Variants in PGAP1 observed in about 807,000 individuals in gnomAD.
PGAP1 encodes GPI inositol-deacylase.
In PGAP1, 76 loss-of-function variants were observed where a neutral mutation model predicts 127.0. The observed-to-expected ratio is 0.60, with a 90% CI of 0.50 to 0.72. The LOEUF (loss-of-function observed/expected upper bound fraction) is 0.72, where lower values mean the gene tolerates loss of function less well. PGAP1 is among the 30% of genes least tolerant of loss of function. The probability of loss-of-function intolerance (pLI) is 0.00; values close to 1 mark genes in which losing one functional copy is unlikely to be tolerated. For synonymous variants in PGAP1, 362 were observed against 366.5 expected (o/e 0.99, Z 0.14); for missense variants, 982 against 1,071.3 (o/e 0.92, Z 1.16).
At position 196,926,506 on chromosome 2, in the gene PGAP1, G is replaced by C; in HGVS notation, c.111C>G (p.Cys37Trp). The change falls in exon 1 of 27, where the codon TGC becomes TGG. Residue 37 changes from cysteine (C) to tryptophan (W), a missense_variant. Cys to Trp is a radical substitution (Grantham distance 215). Transcript: ENST00000354764. ...GGTACTCAAACATGTAGCTCATACT[G>C]CACTTATTCTCCTCGAAGCCGAAGA... ...DVFFGFEENKCSMSYMFEYPE... is the reference protein window; with the variant it reads ...DVFFGFEENKWSMSYMFEYPE... 1 of 1,614,098 alleles carries C rather than the reference G, an allele frequency of 6.2e-7. No individual in the cohort carries two copies. The highest frequency in any genetic ancestry group is 8.5e-7 in the Non-Finnish European group (1 of 1,179,982).
intron 20 of PGAP1, among the ~76,000 whole-genome samples, chr2:196,848,600 T>C (rs1021848273): frequency 2.6e-5 from 4 of 152,220 alleles, no homozygotes; most frequent in African/African-American, 9.6e-5. Flanking sequence ...TTTTCAAGAT[T>C]CATCCATGTT....
At chr2:196,900,882 G>A (rs570186396) in intron 5 of PGAP1, among the ~76,000 whole-genome samples, 21 of 152,042 alleles carry the variant, frequency 1.4e-4, no homozygotes, top group African/African-American at 2.9e-4. Flanking sequence ...AGCGGAGATC[G>A]CGCCACTGCA....
chr2:196,844,500 T>A, intron 24 of PGAP1, 24 bp downstream of exon 24: 1 of 1,545,212 alleles, frequency 6.5e-7, no homozygotes, highest in East Asian at 2.3e-5. Context: ...TAAATTTATG[T>A]AGAGTTTTGA....
At chr2:196,889,872 A>AAAAAAAG in intron 10 of PGAP1, among the ~76,000 whole-genome samples, 1 of 151,752 alleles carries the variant, frequency 6.6e-6, no homozygotes, top group Non-Finnish European at 1.5e-5. Context: ...AAAAAAAAAA[A>AAAAAAAG]AAAAAAGAAA....
In PGAP1 at chr2:196,847,961, A is replaced by G. The variant is rs1263704216; in HGVS notation, c.1938T>C (p.Ile646=). 1 of 1,587,456 alleles carries G rather than the reference A, an allele frequency of 6.3e-7. No individual in the cohort carries two copies. Residue 646 remains isoleucine, a synonymous_variant, in exon 21 of 27, where the codon ATT becomes ATC. Transcript: ENST00000354764. Reference sequence around the variant, plus strand: ...ATAAAACTTACCCCAACAGAAACTTAATGATAATTACAAAAGGATCAACTT... The same window carrying G: ...ATAAAACTTACCCCAACAGAAACTTGATGATAATTACAAAAGGATCAACTT... ...PYKVDPFVII[I]KFLLGYKWFK... is the part of the protein sequence containing the mutation.
chr2:196,900,745 G>A (rs1248696504), intron 5 of PGAP1, among the ~76,000 whole-genome samples: 1 of 152,088 alleles, frequency 6.6e-6, no homozygotes, highest in Non-Finnish European at 1.5e-5. Context: ...CTAACATGGT[G>A]AAACCCCATC....
chr2:196,855,288 T>C (rs1185683424), intron 20 of PGAP1, among the ~76,000 whole-genome samples: 1 of 138,072 alleles, frequency 7.2e-6, no homozygotes, highest in Non-Finnish European at 1.5e-5. Flanking sequence ...ATCGAGCCAC[T>C]GCACTCTAGC....
In PGAP1 at chr2:196,841,368, A is replaced by C; in HGVS notation, c.2635T>G (p.Leu879Val). 6.2e-7 allele frequency: 1 copy of C among 1,612,304 alleles called. No homozygotes were observed. The highest frequency in any genetic ancestry group is 8.5e-7 in the Non-Finnish European group (1 of 1,178,946). ...GGAAATTGTGAAGTAGTCTTCAACA[A>C]TTTACTGTAAAGAGACAGAGAAATA... is the stretch of plus-strand genomic sequence containing the variant. ...TYTVSIKSSK[L>V]LKTTSQFPLP... The change falls in exon 27 of 27, where the codon TTG (leucine) becomes GTG (valine). Residue 879 changes from leucine (L) to valine (V), a missense_variant. Leu to Val is a conservative substitution (Grantham distance 32, BLOSUM62 1). Coordinates refer to ENST00000354764, the MANE Select transcript of PGAP1 (RefSeq NM_024989.4).
chr2:196,878,059 G>T (rs1701618541), intron 13 of PGAP1, among the ~76,000 whole-genome samples: 1 of 152,066 alleles, frequency 6.6e-6, no homozygotes, highest in African/African-American at 2.4e-5. Flanking sequence ...AATAGGAAAA[G>T]GGGAGTCCGA....
At chr2:196,881,524 G>A (rs1701731257) in intron 12 of PGAP1, among the ~76,000 whole-genome samples, 1 of 152,150 alleles carries the variant, frequency 6.6e-6, no homozygotes, top group South Asian at 2.1e-4. Flanking sequence ...AACCTCGCCA[G>A]CATCTGTTAT....
intron 20 of PGAP1, among the ~76,000 whole-genome samples, chr2:196,861,534 C>T (rs1701064683): frequency 6.6e-6 from 1 of 152,150 alleles, no homozygotes; most frequent in African/African-American, 2.4e-5. Flanking sequence ...CATTTCTCAA[C>T]AGAAGAAATA....
chr2:196,897,223 A>T, intron 6 of PGAP1, 26 bp from the exon 7 acceptor site: 1 of 1,418,212 alleles, frequency 7.1e-7, no homozygotes, highest in Non-Finnish European at 9.7e-7. Context: ...AGTGTTACAA[A>T]TAAAACTTTC....
chr2:196,869,218 C>T (rs1701335601), intron 19 of PGAP1, among the ~76,000 whole-genome samples: 1 of 152,118 alleles, frequency 6.6e-6, no homozygotes, highest in Non-Finnish European at 1.5e-5. Flanking sequence ...TTATGAGACA[C>T]AGGAATTATA....
At position 196,872,739 on chromosome 2, in the gene PGAP1, C is replaced by G. The variant is rs149728750; in HGVS notation, c.1620-190G>C. ...TGCTCCCTCTAGGACACAGGAGTTG[C>G]GAGAGGGTGGAAGGGGGTTCAGGTT... On this transcript the variant is annotated intron_variant, in intron 17 of 26. Coordinates refer to ENST00000354764, the MANE Select transcript of PGAP1 (RefSeq NM_024989.4). The G allele has an allele frequency of 7.8e-4, 450 of 575,914 alleles. 2 individuals are homozygous for G. The highest frequency in any genetic ancestry group is 7.4e-3 in the African/African-American group (392 of 52,776). The allele number at this position is 575,914 out of a possible 1,614,324, so 35.7% of individuals were successfully genotyped here.
chr2:196,892,112 G>A (rs1425082832), intron 9 of PGAP1, among the ~76,000 whole-genome samples: 4 of 151,892 alleles, frequency 2.6e-5, no homozygotes, highest in Non-Finnish European at 4.4e-5. Flanking sequence ...CAATAACAAC[G>A]TATAGGCCTT....
Position 196,875,767 on chromosome 2 carries a change from C to A in PGAP1, c.1405G>T (p.Val469Leu), listed in dbSNP as rs762651455. 2 of 1,541,630 alleles carry A rather than the reference C, an allele frequency of 1.3e-6. No individual in the cohort carries two copies. Among genetic ancestry groups the A allele is most frequent in the Non-Finnish European group, 1.8e-6 (2 of 1,118,574 alleles). The change falls in exon 14 of 27, where the codon GTA (valine) becomes TTA (leucine). Residue 469 changes from valine to leucine, a missense_variant. Transcript: ENST00000354764. ...KKEKRYIQLP[V>L]THLFSFGLSS... ...TTACCAAAGGAAAAAAGATGAGTTA[C>A]AGGAAGCTGTATGTATCTTTTCTCT...
At position 196,918,243 on chromosome 2, in the gene PGAP1, G is replaced by C. The variant is rs114784978; in HGVS notation, c.302-1650C>G. Among the ~76,000 whole-genome samples the C allele has an allele frequency of 8.6e-3, 1,309 of 152,210 alleles. 8 individuals carry two copies. The highest frequency in any genetic ancestry group is 0.014 in the Non-Finnish European group (939 of 67,992). ...TGTTGTAAAAGGATGTGGAGCAAAG[G>C]AAGGTAAAATATACTGCTTTTAGGA... On this transcript the variant is annotated intron_variant, in intron 2 of 26. Coordinates refer to ENST00000354764, the MANE Select transcript of PGAP1 (RefSeq NM_024989.4).
chr2:196,905,587 G>A (rs1702670028), intron 4 of PGAP1, among the ~76,000 whole-genome samples: 1 of 151,742 alleles, frequency 6.6e-6, no homozygotes, highest in Non-Finnish European at 1.5e-5. Context: ...AGATAATGCG[G>A]GAGGGAGGAG....
At chr2:196,854,412 A>G (rs1461623922) in intron 20 of PGAP1, among the ~76,000 whole-genome samples, 1 of 152,202 alleles carries the variant, frequency 6.6e-6, no homozygotes, top group Non-Finnish European at 1.5e-5. Flanking sequence ...ACAAAATTAC[A>G]TAAATTCATA....
Sources: allele counts gnomAD v4.1 joint callset (sites outside exome capture counted in the v4.1 genomes callset), GRCh38; gene constraint gnomAD v4.1.1; transcripts MANE v1.5; gene names NCBI Gene and HGNC (gene_info 2026-07-23, HGNC 2026-07-21).